Variants in RASSF2 observed in about 807,000 individuals in gnomAD.
RASSF2 encodes Ras association domain family member 2.
RASSF2 carries 34 observed loss-of-function variants against 46.3 expected under a neutral mutation model. The observed-to-expected ratio is 0.73, with a 90% CI of 0.56 to 0.98. The LOEUF (loss-of-function observed/expected upper bound fraction) is 0.98. Ranked by LOEUF, RASSF2 falls within the 50% of genes least tolerant of loss-of-function variation. The pLI is 0.00. For synonymous variants in RASSF2, 158 were observed against 162.5 expected, an observed-to-expected ratio of 0.97 and a Z score of 0.21; for missense variants, 364 against 431.2, an observed-to-expected ratio of 0.84 and a Z score of 1.38.
intron 2 of RASSF2, among the ~76,000 whole-genome samples, chr20:4,814,259 G>A (rs1393497952): frequency 6.6e-6 from 1 of 152,168 alleles, no homozygotes; most frequent in Non-Finnish European, 1.5e-5. Flanking sequence ...GCTCTGCAGA[G>A]ACAGAGACAG....
intron 5 of RASSF2, 68 bp from the exon 6 acceptor site, chr20:4,792,695 C>A: frequency 1.9e-6 from 3 of 1,538,846 alleles, no homozygotes; most frequent in Non-Finnish European, 1.7e-6. Context: ...CGCCCCCGCA[C>A]CCGCTGGACC....
chr20:4,804,939 G>A (rs375445248), intron 2 of RASSF2, among the ~76,000 whole-genome samples: 13 of 152,154 alleles, frequency 8.5e-5, no homozygotes, highest in African/African-American at 3.1e-4. Flanking sequence ...TCTGGAGGAA[G>A]AGACCTCTAA....
intron 2 of RASSF2, among the ~76,000 whole-genome samples, chr20:4,810,319 G>C (rs533578367): frequency 1.3e-5 from 2 of 152,360 alleles, no homozygotes; most frequent in East Asian, 3.9e-4. Flanking sequence ...AACAAATGCA[G>C]GGCTGGCCAA....
rs1219910068 is a variant in RASSF2 at position 4,781,551 on chromosome 20, A to C, written c.*2722T>G. On this transcript the variant is annotated 3_prime_UTR_variant, in exon 12 of 12. Transcript: ENST00000379400. The stretch of plus-strand genomic sequence containing the variant: ...TCAGCCTCTCCCCAAGATAATCCCC[A>C]CCCCCTGCCATTTAAGTCATCACCT... 6.6e-6 allele frequency: 1 copy of C among 152,028 alleles called. No individual in the cohort carries two copies. The highest frequency in any genetic ancestry group is 1.5e-5 in the Non-Finnish European group (1 of 68,012). The allele number at this position is 152,028 out of a possible 1,614,324, so 9.4% of individuals were successfully genotyped here.
intron 2 of RASSF2, among the ~76,000 whole-genome samples, chr20:4,804,752 T>A (rs959497131): frequency 5.3e-5 from 8 of 152,166 alleles, no homozygotes; most frequent in African/African-American, 1.9e-4. Flanking sequence ...ATTTATTGTG[T>A]CTACAACGTG....
Position 4,787,617 on chromosome 20 carries a change from C to T in RASSF2, c.813+16G>A. 2 of 1,614,150 alleles carry T rather than the reference C, an allele frequency of 1.2e-6. No individual in the cohort carries two copies. Among genetic ancestry groups the T allele is most frequent in the African/African-American group, 2.7e-5 (2 of 75,036 alleles). ...ACCCTCCTGAGGACAGATCGCCTGA[C>T]CCAAAGGGAACTCACGTCGTAGGTG... On this transcript the variant is annotated intron_variant, in intron 10 of 11. Coordinates refer to ENST00000379400, the MANE Select transcript of RASSF2 (RefSeq NM_014737.3).
intron 8 of RASSF2, among the ~76,000 whole-genome samples, chr20:4,788,759 T>C (rs1381963049): frequency 1.3e-5 from 2 of 152,234 alleles, no homozygotes; most frequent in African/African-American, 2.4e-5. Context: ...GTATATGTGG[T>C]GCATCATTGA....
Position 4,811,758 on chromosome 20 carries a change from G to A in RASSF2, c.-33+10571C>T, listed in dbSNP as rs192354438. Among the ~76,000 whole-genome samples the A allele has an allele frequency of 2.7e-3, 418 of 152,252 alleles. 3 individuals are homozygous for A. The highest frequency in any genetic ancestry group is 7.1e-3 in the Admixed American group (108 of 15,298). On this transcript the variant is annotated intron_variant, in intron 2 of 11. Transcript: ENST00000379400. ...CCATGTCACAGAAGCCAGAACCCCA[G>A]CCCCAGGCCCCAAGTCTGATGCAAA...
chr20:4,794,240 C>T (rs1234372292), intron 5 of RASSF2, among the ~76,000 whole-genome samples: 5 of 152,082 alleles, frequency 3.3e-5, no homozygotes, highest in African/African-American at 1.2e-4. Context: ...ACCTGTGCAA[C>T]ATAGTGAGAC....
chr20:4,788,531 G>C (rs6139553), intron 8 of RASSF2, among the ~76,000 whole-genome samples: 54,642 of 151,994 alleles, frequency 0.36, 10,049 homozygotes, highest in East Asian at 0.5. Flanking sequence ...AAACATCATA[G>C]AGTGTGCTTA....
Position 4,795,126 on chromosome 20 carries a change from T to C in RASSF2, c.287+689A>G, listed in dbSNP as rs963630833. 1 of 152,072 alleles carries C rather than the reference T, an allele frequency of 6.6e-6. No individual in the cohort carries two copies. The highest frequency in any genetic ancestry group is 1.5e-5 in the Non-Finnish European group (1 of 68,034). 9.4% of individuals were successfully genotyped at this position (152,072 alleles called of 1,614,324 possible). A position where few individuals can be genotyped will look rare whatever the true frequency, so the allele number is the denominator to read the frequency against. On this transcript the variant is annotated intron_variant, in intron 5 of 11. Coordinates refer to ENST00000379400, the MANE Select transcript of RASSF2 (RefSeq NM_014737.3). The surrounding 1 kb of genome is among the most constrained non-coding windows in gnomAD (Gnocchi z 4.0). Reference sequence around the variant, plus strand: ...TAAAACTCAAGTCCCAGAAAGACAATAAAGAGGGCATGCCTTGCTAGAGGC... The same window carrying C: ...TAAAACTCAAGTCCCAGAAAGACAACAAAGAGGGCATGCCTTGCTAGAGGC...
Position 4,783,546 on chromosome 20 carries a change from A to G in RASSF2, c.*727T>C, listed in dbSNP as rs1207186960. 6.5e-6 allele frequency: 1 copy of G among 152,702 alleles called. No individual in the cohort carries two copies. Among genetic ancestry groups the G allele is most frequent in the African/African-American group, 2.4e-5 (1 of 41,462 alleles). The allele number at this position is 152,702 out of a possible 1,614,324, so 9.5% of individuals were successfully genotyped here. A position where few individuals can be genotyped will look rare whatever the true frequency, so the allele number is the denominator to read the frequency against. On this transcript the variant is annotated 3_prime_UTR_variant, in exon 12 of 12. Coordinates refer to ENST00000379400, the MANE Select transcript of RASSF2 (RefSeq NM_014737.3). ...CAGAATCCACTCTTCACAGGTTTCC[A>G]CATAGAACATCACATATGTCTTTGT...
chr20:4,800,442 G>A (rs950194870), intron 3 of RASSF2, among the ~76,000 whole-genome samples: 3 of 152,148 alleles, frequency 2.0e-5, no homozygotes, highest in Non-Finnish European at 2.9e-5. Context: ...GAAGTCCAAC[G>A]TCAGGGTAGA....
At chr20:4,804,641 AC>A (rs1465768958) in intron 2 of RASSF2, among the ~76,000 whole-genome samples, 1 of 152,072 alleles carries the variant, frequency 6.6e-6, no homozygotes, top group Non-Finnish European at 1.5e-5. Flanking sequence ...CCTGGCCAAA[AC>A]TTTTCTTTCT....
chr20:4,792,256 A>AGGAGGGGAGGGAAGG (rs1925941781), intron 6 of RASSF2, among the ~76,000 whole-genome samples: 1 of 35,418 alleles, frequency 2.8e-5, no homozygotes, highest in Non-Finnish European at 5.1e-5. Context: ...GGAAGGGGAG[A>AGGAGGGGAGGGAAGG]GGAGGGGAGG....
At chr20:4,793,394 C>T (rs1431535256) in intron 5 of RASSF2, among the ~76,000 whole-genome samples, 1 of 152,120 alleles carries the variant, frequency 6.6e-6, no homozygotes. Flanking sequence ...GCATGGGCTC[C>T]CTGGGACCCA....
intron 2 of RASSF2, among the ~76,000 whole-genome samples, chr20:4,808,442 G>A (rs1318226862): frequency 1.3e-5 from 2 of 151,754 alleles, no homozygotes; most frequent in South Asian, 4.2e-4. Context: ...AGGAGAAGAG[G>A]GGCAGAAAGG....
intron 8 of RASSF2, among the ~76,000 whole-genome samples, 164 bp downstream of exon 8, chr20:4,789,432 G>A (rs1925665453): frequency 6.6e-6 from 1 of 152,178 alleles, no homozygotes; most frequent in African/African-American, 2.4e-5. Flanking sequence ...TGCTGATGCT[G>A]ATTCTGTGGA....
At chr20:4,805,025 G>A (rs1036601892) in intron 2 of RASSF2, among the ~76,000 whole-genome samples, 1 of 152,112 alleles carries the variant, frequency 6.6e-6, no homozygotes, top group African/African-American at 2.4e-5. Context: ...GGAGCTGTGC[G>A]AGATGGGGTG....
Sources: gnomAD v4.1 joint callset for allele counts (sites outside exome capture counted in the v4.1 genomes callset) on GRCh38, gnomAD v4.1.1 for gene constraint, Gnocchi (gnomAD v3.1) non-coding constraint, MANE v1.5 for transcripts, NCBI Gene and HGNC (gene_info 2026-07-23, HGNC 2026-07-21) for gene names.